The following BBS9 variants were observed in gnomAD, a reference collection of about 807,000 sequenced individuals.
BBS9 encodes the protein protein PTHB1.
In BBS9, 89 loss-of-function variants were observed where a neutral mutation model predicts 117.7. The ratio of observed to expected loss-of-function variants is 0.76; its 90% CI spans 0.64 to 0.90. The LOEUF (loss-of-function observed/expected upper bound fraction) is 0.90, where lower values mean the gene tolerates loss of function less well. BBS9 is among the 40% of genes least tolerant of loss of function. The pLI is 0.00. For missense variants in BBS9, 982 were observed against 1,042.2 expected (o/e 0.94, Z 0.80); for synonymous variants, 379 against 370.9 (o/e 1.02, Z -0.25).
intron 20 of BBS9, among the ~76,000 whole-genome samples, chr7:33,530,609 C>T (rs193063966): frequency 6.6e-6 from 1 of 152,296 alleles, no homozygotes; most frequent in African/African-American, 2.4e-5. Context: ...CTTCATTTAT[C>T]TCTTCCCATT....
At chr7:33,388,189 T>C in intron 19 of BBS9, 45 bp downstream of exon 19, 2 of 1,601,770 alleles carry the variant, frequency 1.2e-6, no homozygotes, top group South Asian at 1.1e-5. Context: ...GGCTATACTT[T>C]TTTTTGTCAC....
At chr7:33,368,616 A>ACACACACACACACACACC (rs996468631) in intron 17 of BBS9, among the ~76,000 whole-genome samples, 126 of 145,692 alleles carry the variant, frequency 8.6e-4, no homozygotes, top group Middle Eastern at 3.5e-3. Flanking sequence ...ACACACACAC[A>ACACACACACACACACACC]CCCATACCCC....
At chr7:33,448,901 G>T (rs1244880224) in intron 19 of BBS9, among the ~76,000 whole-genome samples, 3 of 152,202 alleles carry the variant, frequency 2.0e-5, no homozygotes, top group African/African-American at 7.2e-5. Flanking sequence ...TTTTTTCTAA[G>T]TGCTTTACAT....
intron 21 of BBS9, among the ~76,000 whole-genome samples, chr7:33,566,306 AATAT>A (rs34756234): frequency 3.1e-5 from 4 of 128,810 alleles, no homozygotes; most frequent in South Asian, 2.5e-4. Flanking sequence ...ATATGCATGT[AATAT>A]ATATATATAT....
intron 21 of BBS9, among the ~76,000 whole-genome samples, chr7:33,597,113 A>C (rs1306034210): frequency 6.9e-6 from 1 of 145,312 alleles, no homozygotes; most frequent in Admixed American, 6.8e-5. Flanking sequence ...ACACACACAC[A>C]GTAAAATTTC....
At chr7:33,557,170 C>T (rs1290408710) in intron 21 of BBS9, among the ~76,000 whole-genome samples, 1 of 152,032 alleles carries the variant, frequency 6.6e-6, no homozygotes, top group Middle Eastern at 3.2e-3. Flanking sequence ...AAAAAAATAC[C>T]ATGATAACCC....
intron 21 of BBS9, among the ~76,000 whole-genome samples, chr7:33,619,005 CCTT>C (rs1240393523): frequency 6.6e-6 from 1 of 152,024 alleles, no homozygotes; most frequent in African/African-American, 2.4e-5. Context: ...CAATAGAAGT[CCTT>C]CTCATTAATT....
chr7:33,570,178 A>T (rs1351304289), intron 21 of BBS9, among the ~76,000 whole-genome samples: 3 of 152,174 alleles, frequency 2.0e-5, no homozygotes, highest in Non-Finnish European at 2.9e-5. Context: ...TAAATACTTT[A>T]AAAAAGGAAC....
intron 19 of BBS9, among the ~76,000 whole-genome samples, chr7:33,492,368 A>T (rs1358187857): frequency 6.6e-6 from 1 of 152,102 alleles, no homozygotes; most frequent in African/African-American, 2.4e-5. Context: ...AAGCCACGTA[A>T]TTACTTGTCT....
At chr7:33,349,241 A>G (rs1818182054) in intron 13 of BBS9, 71 bp downstream of exon 13, 1 of 1,046,100 alleles carries the variant, frequency 9.6e-7, no homozygotes, top group African/African-American at 1.6e-5. Flanking sequence ...TGTTCATTTA[A>G]TGGCTATTAT....
At chr7:33,236,683 A>G (rs181177028) in intron 5 of BBS9, among the ~76,000 whole-genome samples, 29 of 152,192 alleles carry the variant, frequency 1.9e-4, no homozygotes, top group African/African-American at 6.5e-4. Flanking sequence ...ATGGGGTACA[A>G]TGTAATATTT....
At chr7:33,419,227 A>C (rs1832494986) in intron 19 of BBS9, among the ~76,000 whole-genome samples, 2 of 152,158 alleles carry the variant, frequency 1.3e-5, no homozygotes, top group Non-Finnish European at 1.5e-5. Context: ...TGGGTTAACT[A>C]TTTGCTAGTT....
Position 33,358,001 on chromosome 7 carries a change from A to G in BBS9, c.1693+6A>G, listed in dbSNP as rs1212240601. 3.1e-6 allele frequency: 5 copies of G among 1,611,414 alleles called. No homozygotes were observed. Among genetic ancestry groups the G allele is most frequent in the Middle Eastern group, 3.3e-4 (2 of 6,052 alleles). On this transcript the variant is annotated splice_donor_region_variant and intron_variant, in intron 16 of 22. Transcript: ENST00000242067. Reference sequence around the variant, plus strand: ...TCTTCTTAGTCTCTTCCCAGGTAAGACTGTTGAAATAACATGCCTGCAGCA... The same window carrying G: ...TCTTCTTAGTCTCTTCCCAGGTAAGGCTGTTGAAATAACATGCCTGCAGCA...
chr7:33,392,265 T>C, intron 19 of BBS9, among the ~76,000 whole-genome samples: 1 of 152,312 alleles, frequency 6.6e-6, no homozygotes, highest in South Asian at 2.1e-4. Context: ...TGGATTAGCT[T>C]GGTAGTTCTG....
At chr7:33,490,334 T>A (rs1363567990) in intron 19 of BBS9, among the ~76,000 whole-genome samples, 2 of 150,676 alleles carry the variant, frequency 1.3e-5, no homozygotes, top group South Asian at 2.1e-4. Context: ...TCTTTTTCTT[T>A]TTTGTTTTTT....
intron 4 of BBS9, among the ~76,000 whole-genome samples, chr7:33,172,854 A>G (rs574607551): frequency 2.0e-5 from 3 of 152,236 alleles, no homozygotes; most frequent in African/African-American, 4.8e-5. Flanking sequence ...TGGTGCTCCC[A>G]TAAAAGTTCA....
chr7:33,583,763 T>G (rs1346603439), intron 21 of BBS9, among the ~76,000 whole-genome samples: 8 of 152,108 alleles, frequency 5.3e-5, no homozygotes, highest in Non-Finnish European at 1.2e-4. Flanking sequence ...CGTTTTTGGT[T>G]GAGTTTGTAT....
At chr7:33,344,084 T>G (rs1817098957) in intron 11 of BBS9, among the ~76,000 whole-genome samples, 1 of 133,486 alleles carries the variant, frequency 7.5e-6, no homozygotes, top group Non-Finnish European at 1.6e-5. Flanking sequence ...ATGAGTTTTT[T>G]TTTTTTTTTT....
chr7:33,241,294 C>T (rs1275947144), intron 5 of BBS9, among the ~76,000 whole-genome samples: 1 of 152,178 alleles, frequency 6.6e-6, no homozygotes, highest in African/African-American at 2.4e-5. Flanking sequence ...TTCCACTCTA[C>T]TCTGGCTTCC....
Sources: allele counts gnomAD v4.1 joint callset (sites outside exome capture counted in the v4.1 genomes callset), GRCh38; gene constraint gnomAD v4.1.1; transcripts MANE v1.5; gene names NCBI Gene and HGNC (gene_info 2026-07-23, HGNC 2026-07-21).